STAU1: variants seen among roughly 807,000 people sequenced by gnomAD.
STAU1 encodes the protein double-stranded RNA-binding protein Staufen homolog 1.
In STAU1, 13 loss-of-function variants were observed where a neutral mutation model predicts 62.9. The observed-to-expected ratio is 0.21, with a 90% CI of 0.13 to 0.33. The LOEUF (loss-of-function observed/expected upper bound fraction) is 0.33, where lower values mean the gene tolerates loss of function less well. Ranked by LOEUF, STAU1 falls within the 10% of genes least tolerant of loss-of-function variation. STAU1 has a pLI of 1.00. For missense variants in STAU1, 571 were observed against 712.1 expected (o/e 0.80, Z 2.25); for synonymous variants, 269 against 265.1 (o/e 1.01, Z -0.14).
intron 2 of STAU1, among the ~76,000 whole-genome samples, chr20:49,168,954 A>ATT (rs201860565): frequency 8.3e-5 from 12 of 143,720 alleles, no homozygotes; most frequent in African/African-American, 1.0e-4. Context: ...ATAGATGCTA[A>ATT]TTTTTTTTTT....
At chr20:49,219,069 G>C in the STAU1 span, among the ~76,000 whole-genome samples, 1 of 142,478 alleles carries the variant, frequency 7.0e-6, no homozygotes, top group African/African-American at 2.6e-5. Context: ...TTACCACCCA[G>C]AAGCAATCAC....
chr20:49,124,560 T>C lies in STAU1; in HGVS notation c.637A>G (p.Met213Val), dbSNP rs1167868024. The change falls in exon 7 of 14, where the codon ATG becomes GTG. Residue 213 changes from methionine (M) to valine (V), a missense_variant. Physicochemically the swap from Met to Val is conservative, Grantham distance 21 (BLOSUM62 1). Transcript: ENST00000371856. The part of the protein sequence containing the change: ...EVARESGPPH[M>V]KNFVTKVSVG... ...GAAACCTTGGTCACAAAGTTCTTCA[T>C]GTGGGGTGGGCCACTCTCCCGGGCC... is the stretch of plus-strand genomic sequence containing the variant. The C allele has an allele frequency of 6.2e-7, 1 of 1,614,022 alleles. No homozygotes were observed. The highest frequency in any genetic ancestry group is 8.5e-7 in the Non-Finnish European group (1 of 1,180,014).
intron 3 of STAU1, among the ~76,000 whole-genome samples, chr20:49,162,952 A>C (rs1212110289): frequency 6.6e-6 from 1 of 151,678 alleles, no homozygotes; most frequent in Non-Finnish European, 1.5e-5. Context: ...CCAGCACTTT[A>C]GGAGGCCAAG....
chr20:49,130,985 C>T (rs988408842), intron 6 of STAU1, among the ~76,000 whole-genome samples: 1 of 151,908 alleles, frequency 6.6e-6, no homozygotes, highest in Non-Finnish European at 1.5e-5. Flanking sequence ...CCTGTGAAGG[C>T]CCAGCCTTCA....
At chr20:49,217,165 G>C in the STAU1 span, among the ~76,000 whole-genome samples, 3 of 151,162 alleles carry the variant, frequency 2.0e-5, no homozygotes, top group African/African-American at 4.9e-5. Flanking sequence ...CCCACTCCCC[G>C]GCGCTGCCAA....
intron 1 of STAU1, among the ~76,000 whole-genome samples, chr20:49,180,330 T>C (rs1440223236): frequency 3.7e-5 from 3 of 81,762 alleles, no homozygotes; most frequent in African/African-American, 1.2e-4. Flanking sequence ...TTTTTTTTTT[T>C]TTCCCCCCCT....
the STAU1 span, among the ~76,000 whole-genome samples, chr20:49,218,092 T>G: frequency 2.6e-5 from 4 of 151,186 alleles, no homozygotes; most frequent in Admixed American, 2.6e-4. Context: ...TCAGGCTGGT[T>G]TTAAACTCCT....
At chr20:49,179,650 C>G (rs1405700029) in intron 1 of STAU1, among the ~76,000 whole-genome samples, 1 of 152,148 alleles carries the variant, frequency 6.6e-6, no homozygotes, top group African/African-American at 2.4e-5. Context: ...AGACAATGGC[C>G]CTATTTGAAT....
Position 49,138,759 on chromosome 20 carries a change from A to G in STAU1, c.511-2828T>C, listed in dbSNP as rs148110295. On this transcript the variant is annotated intron_variant, in intron 5 of 13. Coordinates refer to ENST00000371856, the MANE Select transcript of STAU1 (RefSeq NM_017453.4). ...AGCAACCCTCCCACCTCAACCTCCC[A>G]AAGTGTTGGGATTTATAGGTGTGAG... is the stretch of plus-strand genomic sequence containing the variant. Among the ~76,000 whole-genome samples the G allele has an allele frequency of 2.0e-3, 304 of 152,184 alleles. 1 individual carries two copies. The highest frequency in any genetic ancestry group is 7.0e-3 in the African/African-American group (289 of 41,512).
chr20:49,149,374 C>T (rs556954025), intron 5 of STAU1, among the ~76,000 whole-genome samples: 1 of 134,292 alleles, frequency 7.4e-6, no homozygotes, highest in Non-Finnish European at 1.7e-5. Flanking sequence ...AAAGCAAAAG[C>T]CAGATTCCTG....
chr20:49,114,024 G>C lies in STAU1; in HGVS notation c.*854C>G, dbSNP rs559542177. 1 of 152,666 alleles carries C rather than the reference G, an allele frequency of 6.6e-6. No individual in the cohort carries two copies. Among genetic ancestry groups the C allele is most frequent in the African/African-American group, 2.4e-5 (1 of 41,536 alleles). The allele number at this position is 152,666 out of a possible 1,614,324, so 9.5% of individuals were successfully genotyped here. On this transcript the variant is annotated 3_prime_UTR_variant, in exon 14 of 14. Transcript: ENST00000371856. ...TAAATTGTCCAATTTATACAACTGTGGGAGACTTATTCAAGGTTTTTGAAA... is the reference window on the plus strand; with the variant it reads ...TAAATTGTCCAATTTATACAACTGTCGGAGACTTATTCAAGGTTTTTGAAA...
chr20:49,206,723 A>ATATATATATATATG, the STAU1 span, among the ~76,000 whole-genome samples: 1 of 37,022 alleles, frequency 2.7e-5, no homozygotes, highest in African/African-American at 1.8e-4. Flanking sequence ...GAAATTTTAT[A>ATATATATATATATG]TATATATATA....
intron 6 of STAU1, among the ~76,000 whole-genome samples, chr20:49,133,142 C>A (rs1317297384): frequency 6.6e-6 from 1 of 152,204 alleles, no homozygotes; most frequent in Non-Finnish European, 1.5e-5. Context: ...TGTCAAGATT[C>A]CTGAACACAG....
At chr20:49,204,646 ATTTTTTTTTTTT>A in the STAU1 span, among the ~76,000 whole-genome samples, 11 of 32,168 alleles carry the variant, frequency 3.4e-4, no homozygotes, top group Non-Finnish European at 4.6e-4. Context: ...ATATATATAT[ATTTTTTTTTTTT>A]TTTTTTTTTT....
intron 8 of STAU1, among the ~76,000 whole-genome samples, chr20:49,120,682 G>C (rs1305805021): frequency 2.0e-5 from 3 of 152,174 alleles, no homozygotes; most frequent in African/African-American, 7.2e-5. Context: ...ATTGTAACTA[G>C]CACAAAAAAC....
At chr20:49,205,488 C>T in the STAU1 span, among the ~76,000 whole-genome samples, 1 of 151,340 alleles carries the variant, frequency 6.6e-6, no homozygotes, top group South Asian at 2.1e-4. Flanking sequence ...GCCCCGTCCT[C>T]CTGAGTAGCT....
rs571365092 is a variant in STAU1, at chr20:49,154,500, T to G, written c.206-429A>C. ...TTATTGGCTTGCACTCAGAAGTATG[T>G]CCGTACACAGTATTGAACGATGCAT... is the stretch of plus-strand genomic sequence containing the variant. On this transcript the variant is annotated intron_variant, in intron 3 of 13. Transcript: ENST00000371856. Among the ~76,000 whole-genome samples the G allele has an allele frequency of 5.3e-5, 8 of 152,352 alleles. 1 individual carries two copies. The highest frequency in any genetic ancestry group is 3.4e-3 in the Middle Eastern group (1 of 294).
intron 5 of STAU1, among the ~76,000 whole-genome samples, chr20:49,149,251 A>AAAACAC (rs71337498): frequency 7.6e-6 from 1 of 131,940 alleles, no homozygotes; most frequent in Non-Finnish European, 1.6e-5. Context: ...ACTGTCTCAA[A>AAAACAC]ACACACACAC....
At chr20:49,218,317 T>C in the STAU1 span, among the ~76,000 whole-genome samples, 54 of 150,838 alleles carry the variant, frequency 3.6e-4, no homozygotes, top group African/African-American at 1.3e-3. Flanking sequence ...CTCTGCCTCC[T>C]GGGTTCACAC....
Sources: gnomAD v4.1 joint callset for allele counts (sites outside exome capture counted in the v4.1 genomes callset) on GRCh38, gnomAD v4.1.1 for gene constraint, MANE v1.5 for transcripts, NCBI Gene and HGNC (gene_info 2026-07-23, HGNC 2026-07-21) for gene names.